NHSL3: variants seen among roughly 807,000 people sequenced by gnomAD.
NHSL3 encodes NHS-like protein 3.
chr1:32,768,756 G>A, the NHSL3 span: 16 of 1,613,872 alleles, frequency 9.9e-6, no homozygotes, highest in East Asian at 6.7e-5. Flanking sequence ...CCATCCGCTC[G>A]GAGATGATCC....
chr1:32,762,972 C>T, the NHSL3 span, among the ~76,000 whole-genome samples: 1 of 149,194 alleles, frequency 6.7e-6, no homozygotes, highest in African/African-American at 2.5e-5. Context: ...ACAGTGCTAG[C>T]CTGGAATTTT....
the NHSL3 span, chr1:32,770,035 G>A: frequency 1.1e-5 from 17 of 1,585,632 alleles, no homozygotes; most frequent in Admixed American, 8.9e-5. The surrounding 1 kb of genome is among the most constrained non-coding windows in gnomAD (Gnocchi z 8.3). Context: ...GGAGGCTGGC[G>A]CTGAGACAGA....
At chr1:32,767,899 C>A in the NHSL3 span, 11 of 1,613,962 alleles carry the variant, frequency 6.8e-6, no homozygotes, top group South Asian at 7.7e-5. Context: ...GGCGACCCCC[C>A]CACCTGGAAG....
the NHSL3 span, chr1:32,767,967 C>T: frequency 6.2e-7 from 1 of 1,612,366 alleles, no homozygotes; most frequent in Non-Finnish European, 8.5e-7. Flanking sequence ...GGTAAGCTTC[C>T]TCTCCACTCC....
At chr1:32,762,916 C>T in the NHSL3 span, among the ~76,000 whole-genome samples, 2 of 151,736 alleles carry the variant, frequency 1.3e-5, no homozygotes, top group African/African-American at 4.8e-5. Flanking sequence ...CTCAGGTGAT[C>T]TGCCCACCTC....
the NHSL3 span, among the ~76,000 whole-genome samples, chr1:32,742,759 C>T: frequency 6.6e-6 from 1 of 152,218 alleles, no homozygotes; most frequent in Non-Finnish European, 1.5e-5. Flanking sequence ...CTCACCTGGG[C>T]CAGGCCACAA....
the NHSL3 span, among the ~76,000 whole-genome samples, chr1:32,760,716 G>A: frequency 1.3e-5 from 2 of 151,882 alleles, no homozygotes; most frequent in African/African-American, 4.8e-5. Context: ...TCAGCCTCCT[G>A]AGTAGCCGGG....
the NHSL3 span, among the ~76,000 whole-genome samples, chr1:32,760,449 C>T: frequency 6.6e-6 from 1 of 152,208 alleles, no homozygotes; most frequent in South Asian, 2.1e-4. Flanking sequence ...TAGGAAAGCC[C>T]CTGAGTAGGG....
the NHSL3 span, among the ~76,000 whole-genome samples, chr1:32,760,723 C>T: frequency 6.6e-6 from 1 of 151,858 alleles, no homozygotes; most frequent in Non-Finnish European, 1.5e-5. Context: ...CCTGAGTAGC[C>T]GGGATTACAG....
the NHSL3 span, chr1:32,772,524 C>T: frequency 6.8e-7 from 1 of 1,481,156 alleles, no homozygotes; most frequent in South Asian, 1.5e-5. Flanking sequence ...GGGATTTGTT[C>T]TTGGATCTTT....
the NHSL3 span, among the ~76,000 whole-genome samples, chr1:32,764,311 T>G: frequency 6.6e-6 from 1 of 150,626 alleles, no homozygotes; most frequent in Non-Finnish European, 1.5e-5. Context: ...TCATCAAATA[T>G]TTTTTGAACT....
chr1:32,768,751 C>T, the NHSL3 span: 385 of 1,613,832 alleles, frequency 2.4e-4, no homozygotes, highest in Non-Finnish European at 2.9e-4. Flanking sequence ...GCTCTCCATC[C>T]GCTCGGAGAT....
chr1:32,742,665 C>A, the NHSL3 span, among the ~76,000 whole-genome samples: 1 of 152,224 alleles, frequency 6.6e-6, no homozygotes, highest in South Asian at 2.1e-4. Flanking sequence ...TTTCCAGCCC[C>A]ACAAAGGACC....
chr1:32,762,592 A>G, the NHSL3 span, among the ~76,000 whole-genome samples: 2 of 145,914 alleles, frequency 1.4e-5, no homozygotes, highest in African/African-American at 5.0e-5. Flanking sequence ...TCTTTTATTT[A>G]TTTTTTTTTT....
At chr1:32,768,629 C>G in the NHSL3 span, 30 of 1,613,214 alleles carry the variant, frequency 1.9e-5, no homozygotes, top group Non-Finnish European at 2.5e-5. Context: ...CAGCCCCACC[C>G]AGATCTCCTT....
chr1:32,768,751 C>G, the NHSL3 span: 1 of 1,613,948 alleles, frequency 6.2e-7, no homozygotes, highest in Non-Finnish European at 8.5e-7. Flanking sequence ...GCTCTCCATC[C>G]GCTCGGAGAT....
the NHSL3 span, chr1:32,771,670 G>C: frequency 6.2e-6 from 10 of 1,611,446 alleles, no homozygotes; most frequent in East Asian, 2.0e-4. Context: ...TCAGCCCCCG[G>C]GTAGCCCAGA....
chr1:32,770,983 C>T, the NHSL3 span: 104 of 1,611,798 alleles, frequency 6.5e-5, no homozygotes, highest in East Asian at 1.9e-3. This position sits in a 1 kb window ranked among gnomAD's most constrained non-coding sequence, Gnocchi z 8.3. Context: ...GGCAGGTCCC[C>T]CTGCTTCCCC....
At chr1:32,769,445 A>G in the NHSL3 span, among the ~76,000 whole-genome samples, 1 of 152,164 alleles carries the variant, frequency 6.6e-6, no homozygotes, top group Non-Finnish European at 1.5e-5. Flanking sequence ...ACACGTAATA[A>G]TATGTTTACT....
Sources: gnomAD v4.1 joint callset for allele counts (sites outside exome capture counted in the v4.1 genomes callset) on GRCh38, gnomAD v4.1.1 for gene constraint, Gnocchi (gnomAD v3.1) non-coding constraint, MANE v1.5 for transcripts, NCBI Gene and HGNC (gene_info 2026-07-23, HGNC 2026-07-21) for gene names.